The following RHBDD1 variants were observed in gnomAD, a reference collection of about 807,000 sequenced individuals.
RHBDD1 encodes the protein rhomboid domain containing 1.
In RHBDD1, 38 loss-of-function variants were observed where a neutral mutation model predicts 36.3. The observed-to-expected ratio is 1.05, with a 90% CI of 0.81 to 1.37. The LOEUF (loss-of-function observed/expected upper bound fraction) is 1.37. RHBDD1 is among the 40% of genes most tolerant of loss of function. The pLI is 0.00. For synonymous variants in RHBDD1, 151 were observed against 136.5 expected (o/e 1.11, Z -0.74); for missense variants, 393 against 377.6 (o/e 1.04, Z -0.34).
At chr2:226,952,567 G>T (rs1045038879) in intron 8 of RHBDD1, among the ~76,000 whole-genome samples, 3 of 152,190 alleles carry the variant, frequency 2.0e-5, no homozygotes, top group African/African-American at 7.2e-5. Flanking sequence ...CAAAGTGCTG[G>T]CATGAGCCAC....
At chr2:226,847,823 A>G (rs773804817) in intron 3 of RHBDD1, among the ~76,000 whole-genome samples, 3 of 152,234 alleles carry the variant, frequency 2.0e-5, no homozygotes, top group African/African-American at 4.8e-5. Context: ...CTTAAAAGGT[A>G]GAAAAGCAGT....
the RHBDD1 span, among the ~76,000 whole-genome samples, chr2:226,806,019 C>T: frequency 6.6e-6 from 1 of 152,140 alleles, no homozygotes; most frequent in African/African-American, 2.4e-5. Flanking sequence ...GCTGGGTCAC[C>T]ATGGCCCCCT....
At position 226,997,902 on chromosome 2, in the gene RHBDD1, T is replaced by A. The variant is rs1246235778; in HGVS notation, c.*2380T>A. 6.6e-6 allele frequency: 1 copy of A among 152,248 alleles called. No individual in the cohort carries two copies. Among genetic ancestry groups the A allele is most frequent in the Non-Finnish European group, 1.5e-5 (1 of 68,040 alleles). The allele number at this position is 152,248 out of a possible 1,614,324, so 9.4% of individuals were successfully genotyped here. The stretch of plus-strand genomic sequence containing the variant: ...CAAGTGCTTATGTTTGGAATGTCCA[T>A]TTTATTTTATTTTCCTCTACAATAA... On this transcript the variant is annotated 3_prime_UTR_variant, in exon 9 of 9. Transcript: ENST00000392062.
chr2:226,911,622 G>A (rs1202835782), intron 7 of RHBDD1, among the ~76,000 whole-genome samples: 1 of 148,922 alleles, frequency 6.7e-6, no homozygotes, highest in Admixed American at 6.7e-5. Flanking sequence ...TTACTCTCAA[G>A]GTCTGAAACT....
At chr2:226,942,315 T>C (rs2149164919) in intron 8 of RHBDD1, among the ~76,000 whole-genome samples, 1 of 151,734 alleles carries the variant, frequency 6.6e-6, no homozygotes, top group Middle Eastern at 3.4e-3. Context: ...CTCGGCTCAC[T>C]GCAAGCTCTG....
chr2:226,964,794 G>A (rs1315774849), intron 8 of RHBDD1, among the ~76,000 whole-genome samples: 1 of 152,154 alleles, frequency 6.6e-6, no homozygotes, highest in Admixed American at 6.5e-5. Flanking sequence ...ACATCCATTA[G>A]TGAAAGCCAC....
intron 5 of RHBDD1, among the ~76,000 whole-genome samples, chr2:226,900,099 T>C (rs1947464577): frequency 6.6e-6 from 1 of 152,230 alleles, no homozygotes; most frequent in Admixed American, 6.5e-5. Flanking sequence ...AAGGTATCTA[T>C]GAACATCCTA....
chr2:226,802,796 C>A, the RHBDD1 span, among the ~76,000 whole-genome samples: 6 of 152,156 alleles, frequency 3.9e-5, no homozygotes, highest in Non-Finnish European at 7.3e-5. Flanking sequence ...GCAACAGCTA[C>A]GTTGATGTCA....
intron 8 of RHBDD1, among the ~76,000 whole-genome samples, chr2:226,927,353 T>G (rs866572727): frequency 1.1e-4 from 17 of 152,088 alleles, no homozygotes; most frequent in Middle Eastern, 6.8e-3. Context: ...TGTTTTTTTG[T>G]TTTTTTGTTT....
At chr2:226,879,380 G>A (rs1171631884) in intron 5 of RHBDD1, among the ~76,000 whole-genome samples, 1 of 152,150 alleles carries the variant, frequency 6.6e-6, no homozygotes, top group Non-Finnish European at 1.5e-5. Context: ...ATAGATTTCT[G>A]CTAATTTATT....
rs117922500 is a variant in RHBDD1 at position 226,849,747 on chromosome 2, T to C, written c.-91+10120T>C. The stretch of plus-strand genomic sequence containing the variant: ...TCTATATAATCTGTATCTATATCTA[T>C]ATATCTATATCATCTGTATCTATAT... On this transcript the variant is annotated intron_variant, in intron 3 of 8. Transcript: ENST00000392062. 8.2e-4 allele frequency among the ~76,000 whole-genome samples: 125 copies of C among 151,688 alleles called. 1 individual carries two copies. The East Asian group carries it at 0.021, about 26-fold the overall frequency.
chr2:226,840,763 A>G (rs1941522946), intron 3 of RHBDD1, among the ~76,000 whole-genome samples: 1 of 152,206 alleles, frequency 6.6e-6, no homozygotes, highest in African/African-American at 2.4e-5. Context: ...CAATATCAGG[A>G]TAGTAATGAA....
intron 8 of RHBDD1, among the ~76,000 whole-genome samples, chr2:226,963,167 T>C (rs1952350168): frequency 9.9e-6 from 1 of 101,442 alleles, no homozygotes. Context: ...ACCGCTATGC[T>C]TGAGAGTAAC....
chr2:226,947,474 G>A (rs1951064705), intron 8 of RHBDD1, among the ~76,000 whole-genome samples: 1 of 151,832 alleles, frequency 6.6e-6, no homozygotes, highest in South Asian at 2.1e-4. Flanking sequence ...CTCTGTTTTG[G>A]TACCAGTACC....
At chr2:226,984,406 G>C (rs1412937283) in intron 8 of RHBDD1, among the ~76,000 whole-genome samples, 2 of 152,208 alleles carry the variant, frequency 1.3e-5, no homozygotes, top group African/African-American at 4.8e-5. Context: ...CATTGGCAGA[G>C]AGTGCAAGCT....
Position 226,945,120 on chromosome 2 carries a change from G to A in RHBDD1, c.856+30769G>A, listed in dbSNP as rs570827226. Among the ~76,000 whole-genome samples the A allele has an allele frequency of 2.0e-5, 3 of 150,482 alleles. No individual in the cohort carries two copies. The East Asian group carries it at 5.9e-4, about 29-fold the overall frequency. Reference sequence around the variant, plus strand: ...TTGAAGGTTTTGTGTTTAATCCTGAGGACAGTGGAAACAAGATCAAATCTG... The same window carrying A: ...TTGAAGGTTTTGTGTTTAATCCTGAAGACAGTGGAAACAAGATCAAATCTG... On this transcript the variant is annotated intron_variant, in intron 8 of 8. Coordinates refer to ENST00000392062, the MANE Select transcript of RHBDD1 (RefSeq NM_001167608.3).
At chr2:226,863,827 G>A (rs1181417979) in intron 3 of RHBDD1, among the ~76,000 whole-genome samples, 5 of 152,142 alleles carry the variant, frequency 3.3e-5, no homozygotes, top group South Asian at 2.1e-4. Flanking sequence ...GTGGAGAAGC[G>A]GGCTAGTAAG....
chr2:226,992,091 G>T (rs1006215374), intron 8 of RHBDD1, among the ~76,000 whole-genome samples: 12 of 152,214 alleles, frequency 7.9e-5, no homozygotes, highest in African/African-American at 2.9e-4. Context: ...TGCAAAGGAT[G>T]CTGGAGGTTA....
In RHBDD1 at chr2:226,980,939, G is replaced by A. The variant is rs191312557; in HGVS notation, c.857-14492G>A. Among the ~76,000 whole-genome samples, 147 of 152,210 alleles carry A rather than the reference G, an allele frequency of 9.7e-4. No homozygotes were observed. In the East Asian group the frequency reaches 0.011, roughly 11 times the overall value. On this transcript the variant is annotated intron_variant, in intron 8 of 8. Coordinates refer to ENST00000392062, the MANE Select transcript of RHBDD1 (RefSeq NM_001167608.3). ...TTTTGTTGTTATTGAATATCTCTCC[G>A]TAGCAGAGACCATTTTAAAATAATT...
Sources: gnomAD v4.1 joint callset for allele counts (sites outside exome capture counted in the v4.1 genomes callset) on GRCh38, gnomAD v4.1.1 for gene constraint, MANE v1.5 for transcripts, NCBI Gene and HGNC (gene_info 2026-07-23, HGNC 2026-07-21) for gene names.